Variants in INSYN2B observed in about 807,000 individuals in gnomAD.
The protein encoded by INSYN2B is inhibitory synaptic factor family member 2B.
Under a neutral mutation model 41.2 loss-of-function variants are expected in INSYN2B, and 16 were observed. That is an observed-to-expected ratio of 0.39 (90% CI 0.26 to 0.59). The LOEUF is 0.59. Ranked by LOEUF, INSYN2B falls within the 20% of genes least tolerant of loss-of-function variation. INSYN2B has a pLI of 0.57. For missense variants in INSYN2B, 608 were observed against 646.4 expected (o/e 0.94, Z 0.64); for synonymous variants, 245 against 244.4 (o/e 1.00, Z -0.02).
rs2113508335 is a variant in INSYN2B, at chr5:169,883,087, G to C, written c.812C>G (p.Thr271Arg). ...ATSVASHTPG[T>R]EELKPELLLP... ...AAGCAATTCAGGTTTAAGTTCCTCT[G>C]TGCCTGGTGTGTGGCTGGCAACGCT... The change falls in exon 2 of 4, where the codon ACA (threonine) becomes AGA (arginine). Residue 271 changes from threonine (T) to arginine (R), a missense_variant. Coordinates refer to ENST00000377365, the MANE Select transcript of INSYN2B (RefSeq NM_001129891.3). The C allele has an allele frequency of 6.4e-7, 1 of 1,551,674 alleles. No homozygotes were observed.
intron 3 of INSYN2B, among the ~76,000 whole-genome samples, chr5:169,869,203 A>G (rs1280819910): frequency 3.4e-4 from 52 of 151,436 alleles, no homozygotes; most frequent in Admixed American, 3.4e-3. Context: ...ATCACTCCTC[A>G]CCCCTCCCCA....
intron 1 of INSYN2B, among the ~76,000 whole-genome samples, chr5:169,928,455 C>A (rs1285367891): frequency 6.6e-6 from 1 of 152,234 alleles, no homozygotes; most frequent in Non-Finnish European, 1.5e-5. Flanking sequence ...TTAGTTCTAC[C>A]AGAGCCAGCC....
chr5:169,864,836 AACT>A (rs1771442666), intron 3 of INSYN2B, among the ~76,000 whole-genome samples: 1 of 152,210 alleles, frequency 6.6e-6, no homozygotes, highest in Non-Finnish European at 1.5e-5. Context: ...CAGACAAGAA[AACT>A]GACAGCTCAG....
At chr5:169,924,052 G>T (rs1308428617) in intron 1 of INSYN2B, among the ~76,000 whole-genome samples, 2 of 152,160 alleles carry the variant, frequency 1.3e-5, no homozygotes, top group Non-Finnish European at 2.9e-5. Flanking sequence ...ATTAGCTGAT[G>T]CCCCTTGTCT....
chr5:169,960,866 C>T (rs77478722), intron 1 of INSYN2B, among the ~76,000 whole-genome samples: 6,188 of 152,184 alleles, frequency 0.041, 376 homozygotes, highest in African/African-American at 0.13. Context: ...ATCCCTTTGT[C>T]CAGTATATTC....
chr5:169,938,467 C>T lies in INSYN2B; in HGVS notation c.-919+41810G>A, dbSNP rs79584741. 8.7e-3 allele frequency among the ~76,000 whole-genome samples: 1,319 copies of T among 152,228 alleles called. 57 individuals are homozygous for T. The East Asian group carries it at 0.12, about 14-fold the overall frequency. On this transcript the variant is annotated intron_variant, in intron 1 of 3. Transcript: ENST00000377365. ...AAACCTGTATAGCATGTTACTCTCC[C>T]GAATACTGTAGGCAATTAGAACACA...
intron 1 of INSYN2B, among the ~76,000 whole-genome samples, chr5:169,911,126 A>T (rs1035814273): frequency 5.9e-5 from 9 of 152,158 alleles, no homozygotes; most frequent in Non-Finnish European, 1.2e-4. Flanking sequence ...TTTCTTCATT[A>T]ATGTTTTTAT....
chr5:169,952,348 T>A (rs1776696710), intron 1 of INSYN2B, among the ~76,000 whole-genome samples: 3 of 152,114 alleles, frequency 2.0e-5, no homozygotes, highest in Admixed American at 2.0e-4. Flanking sequence ...TGCAGCATGG[T>A]CCTTTCTCCA....
intron 1 of INSYN2B, among the ~76,000 whole-genome samples, chr5:169,969,906 C>T (rs972380025): frequency 3.3e-5 from 5 of 152,356 alleles, no homozygotes; most frequent in Middle Eastern, 6.8e-3. Context: ...AACTGAATAT[C>T]CAAAATTCAA....
chr5:169,945,859 C>G (rs959590845), intron 1 of INSYN2B, among the ~76,000 whole-genome samples: 1 of 152,186 alleles, frequency 6.6e-6, no homozygotes, highest in African/African-American at 2.4e-5. Context: ...TTTCTTGACT[C>G]GTCCTTATTT....
intron 1 of INSYN2B, among the ~76,000 whole-genome samples, chr5:169,937,062 G>C (rs1334433433): frequency 6.6e-6 from 1 of 152,166 alleles, no homozygotes; most frequent in Non-Finnish European, 1.5e-5. Context: ...CCAGTTTCTG[G>C]GCAGAGTAAT....
chr5:169,970,078 C>A (rs187756413), intron 1 of INSYN2B, among the ~76,000 whole-genome samples: 1 of 152,274 alleles, frequency 6.6e-6, no homozygotes, highest in African/African-American at 2.4e-5. Context: ...CATGTCCCAC[C>A]CTGTTACTGC....
At chr5:169,909,980 AT>A in intron 1 of INSYN2B, among the ~76,000 whole-genome samples, 1 of 151,750 alleles carries the variant, frequency 6.6e-6, no homozygotes, top group African/African-American at 2.4e-5. Context: ...CTGCACCAGC[AT>A]TTTTTTTAAT....
At chr5:169,918,946 G>T (rs960033030) in intron 1 of INSYN2B, among the ~76,000 whole-genome samples, 5 of 152,016 alleles carry the variant, frequency 3.3e-5, no homozygotes. Context: ...TATTTTAGGG[G>T]CCAGATATAT....
chr5:169,934,211 C>T (rs1184388598), intron 1 of INSYN2B, among the ~76,000 whole-genome samples: 1 of 152,148 alleles, frequency 6.6e-6, no homozygotes, highest in Non-Finnish European at 1.5e-5. Flanking sequence ...CTTTATTGTT[C>T]ACGTAATAAC....
intron 1 of INSYN2B, among the ~76,000 whole-genome samples, chr5:169,906,885 G>A (rs1303148760): frequency 1.3e-5 from 2 of 152,184 alleles, no homozygotes; most frequent in Non-Finnish European, 2.9e-5. Context: ...ATGTGCATGA[G>A]GCTGGTGCTG....
intron 1 of INSYN2B, among the ~76,000 whole-genome samples, chr5:169,885,609 G>A (rs1280972732): frequency 6.6e-6 from 1 of 152,148 alleles, no homozygotes; most frequent in Non-Finnish European, 1.5e-5. Context: ...ACCATTTATT[G>A]AGCACATACT....
intron 1 of INSYN2B, among the ~76,000 whole-genome samples, chr5:169,966,299 G>T (rs989239361): frequency 2.0e-5 from 3 of 152,080 alleles, no homozygotes; most frequent in African/African-American, 7.2e-5. Flanking sequence ...TTGGGGGGCG[G>T]GGGTTGAGGA....
intron 3 of INSYN2B, among the ~76,000 whole-genome samples, chr5:169,871,891 G>A (rs748093116): frequency 6.6e-6 from 1 of 152,156 alleles, no homozygotes; most frequent in Non-Finnish European, 1.5e-5. Flanking sequence ...CCCAAAAAAG[G>A]TGCTCTCCTT....
Sources: gnomAD v4.1 joint callset for allele counts (sites outside exome capture counted in the v4.1 genomes callset) on GRCh38, gnomAD v4.1.1 for gene constraint, MANE v1.5 for transcripts, NCBI Gene and HGNC (gene_info 2026-07-23, HGNC 2026-07-21) for gene names.